ANO3: variants seen among roughly 807,000 people sequenced by gnomAD.
The protein encoded by ANO3 is anoctamin-3.
Under a neutral mutation model 144.8 loss-of-function variants are expected in ANO3, and 99 were observed. The ratio of observed to expected loss-of-function variants is 0.68; its 90% confidence interval spans 0.58 to 0.81. The LOEUF is 0.81. Ranked by LOEUF, ANO3 falls within the 30% of genes least tolerant of loss-of-function variation. The probability of loss-of-function intolerance (pLI) is 0.00; values close to 1 mark genes in which losing one functional copy is unlikely to be tolerated. For synonymous variants in ANO3, 414 were observed against 392.6 expected, an observed-to-expected ratio of 1.05 and a Z score of -0.64; for missense variants, 905 against 1,202.2, an observed-to-expected ratio of 0.75 and a Z score of 3.66.
intron 14 of ANO3, among the ~76,000 whole-genome samples, chr11:26,572,437 CAA>C (rs763062595): frequency 4.4e-4 from 67 of 151,942 alleles, no homozygotes; most frequent in Non-Finnish European, 8.2e-4. Flanking sequence ...AAGATTTTGG[CAA>C]AGTCATCTGG....
chr11:26,441,708 CAG>C (rs1289270135), intron 1 of ANO3, among the ~76,000 whole-genome samples: 4 of 152,256 alleles, frequency 2.6e-5, no homozygotes, highest in East Asian at 3.9e-4. Flanking sequence ...AAACAGGAAA[CAG>C]AGATGTTTAT....
At chr11:26,320,272 T>A (rs1854726344) in intron 1 of ANO3, among the ~76,000 whole-genome samples, 1 of 152,202 alleles carries the variant, frequency 6.6e-6, no homozygotes, top group Non-Finnish European at 1.5e-5. Flanking sequence ...ACCTTCAGAG[T>A]ATAACGTCTG....
chr11:26,505,703 T>G (rs1189938349), intron 4 of ANO3, among the ~76,000 whole-genome samples: 4 of 152,218 alleles, frequency 2.6e-5, no homozygotes, highest in African/African-American at 9.6e-5. Context: ...CCGGGCGCAG[T>G]GGCTCACACC....
At chr11:26,253,562 TA>T (rs11452342) in intron 1 of ANO3, among the ~76,000 whole-genome samples, 242 of 133,938 alleles carry the variant, frequency 1.8e-3, no homozygotes, top group Middle Eastern at 7.6e-3. Flanking sequence ...AAAATAAACT[TA>T]AAAAAAAAAA....
intron 1 of ANO3, among the ~76,000 whole-genome samples, chr11:26,387,210 G>A (rs1856759468): frequency 6.8e-6 from 1 of 146,284 alleles, no homozygotes; most frequent in Non-Finnish European, 1.5e-5. Flanking sequence ...CTGACCTTAT[G>A]AGCCGTCCAC....
Position 26,534,570 on chromosome 11 carries a change from C to G in ANO3, c.976+8C>G, listed in dbSNP as rs751331651. ...ATGGAATATCAAAAGTGGGTAAGAACATTAATTAATAACAGAGTAGAACTT... is the reference window on the plus strand; with the variant it reads ...ATGGAATATCAAAAGTGGGTAAGAAGATTAATTAATAACAGAGTAGAACTT... On this transcript the variant is annotated splice_region_variant and intron_variant, in intron 9 of 26. Transcript: ENST00000256737. 6.4e-7 allele frequency: 1 copy of G among 1,573,726 alleles called. No homozygotes were observed. The highest frequency in any genetic ancestry group is 1.3e-5 in the African/African-American group (1 of 74,146).
chr11:26,199,508 C>T (rs1308931157), intron 1 of ANO3, among the ~76,000 whole-genome samples: 3 of 151,984 alleles, frequency 2.0e-5, no homozygotes, highest in African/African-American at 7.3e-5. Flanking sequence ...AGGGATGGGA[C>T]ACAGGAATAA....
At chr11:26,599,310 G>A (rs1024785493) in intron 16 of ANO3, among the ~76,000 whole-genome samples, 6 of 152,288 alleles carry the variant, frequency 3.9e-5, no homozygotes, top group South Asian at 4.1e-4. Flanking sequence ...TTAAGAGGAC[G>A]TTGGGAAGAA....
At chr11:26,228,223 T>G (rs974073385) in intron 1 of ANO3, among the ~76,000 whole-genome samples, 3 of 152,236 alleles carry the variant, frequency 2.0e-5, no homozygotes, top group African/African-American at 7.2e-5. Flanking sequence ...ACTGCTCTGT[T>G]TTTATGGCTT....
At chr11:26,292,263 G>A (rs960353719) in intron 1 of ANO3, among the ~76,000 whole-genome samples, 2 of 152,002 alleles carry the variant, frequency 1.3e-5, no homozygotes, top group African/African-American at 4.8e-5. Flanking sequence ...GCTCCATCAG[G>A]TCATTTAAGG....
At chr11:26,215,859 C>A (rs1303427512) in intron 1 of ANO3, among the ~76,000 whole-genome samples, 1 of 152,032 alleles carries the variant, frequency 6.6e-6, no homozygotes, top group Non-Finnish European at 1.5e-5. Context: ...CACAGCTCCA[C>A]AATCTACTAT....
chr11:26,590,396 C>G (rs1443913604), intron 14 of ANO3, among the ~76,000 whole-genome samples: 1 of 152,178 alleles, frequency 6.6e-6, no homozygotes, highest in African/African-American at 2.4e-5. Context: ...GTTTGCCACA[C>G]ACAGGCAGCT....
intron 9 of ANO3, among the ~76,000 whole-genome samples, chr11:26,536,559 A>G (rs1470201294): frequency 4.6e-5 from 7 of 151,972 alleles, no homozygotes; most frequent in Non-Finnish European, 1.0e-4. Context: ...ATGTGTGTGT[A>G]CATATAAATT....
intron 1 of ANO3, among the ~76,000 whole-genome samples, chr11:26,380,853 G>A (rs1172450747): frequency 2.0e-5 from 3 of 152,008 alleles, no homozygotes; most frequent in African/African-American, 7.2e-5. Context: ...GTGGTGGTGT[G>A]TGCCTGTAAT....
At chr11:26,414,373 A>T (rs1268699507) in intron 1 of ANO3, among the ~76,000 whole-genome samples, 1 of 152,120 alleles carries the variant, frequency 6.6e-6, no homozygotes, top group Non-Finnish European at 1.5e-5. Context: ...GGATAAAGAA[A>T]ATGTGGTACA....
chr11:26,549,388 G>A (rs977218589), intron 12 of ANO3, among the ~76,000 whole-genome samples: 1 of 151,930 alleles, frequency 6.6e-6, no homozygotes, highest in Non-Finnish European at 1.5e-5. Flanking sequence ...TTCCATTCAA[G>A]GTGTCAGACG....
chr11:26,555,535 A>T (rs375028000), intron 13 of ANO3, among the ~76,000 whole-genome samples: 1 of 152,176 alleles, frequency 6.6e-6, no homozygotes, highest in Non-Finnish European at 1.5e-5. Flanking sequence ...GGTACATTTA[A>T]GGACAGGGAT....
intron 2 of ANO3, among the ~76,000 whole-genome samples, chr11:26,443,393 G>A (rs1011722842): frequency 6.6e-5 from 10 of 152,118 alleles, no homozygotes; most frequent in African/African-American, 2.4e-4. Flanking sequence ...CTTGAGGCCA[G>A]GAGTTCGAGA....
chr11:26,307,476 C>T (rs1330082824), upstream of ANO3, among the ~76,000 whole-genome samples: 4 of 151,490 alleles, frequency 2.6e-5, no homozygotes, highest in Non-Finnish European at 4.4e-5. Flanking sequence ...TGAGGCAGGC[C>T]GATCACCTAA....
Sources: allele counts gnomAD v4.1 joint callset (sites outside exome capture counted in the v4.1 genomes callset), GRCh38; gene constraint gnomAD v4.1.1; transcripts MANE v1.5; gene names NCBI Gene and HGNC (gene_info 2026-07-23, HGNC 2026-07-21).